Variants in CR1 observed in about 807,000 individuals in gnomAD.
CR1 encodes complement receptor type 1.
Under a neutral mutation model 187.3 loss-of-function variants are expected in CR1, and 116 were observed. The observed-to-expected ratio is 0.62, with a 90% CI of 0.53 to 0.72. The LOEUF (loss-of-function observed/expected upper bound fraction) is 0.72, where lower values mean the gene tolerates loss of function less well. CR1 is among the 30% of genes least tolerant of loss of function. The pLI, the probability that CR1 is intolerant of heterozygous loss-of-function variation, is 0.00. For synonymous variants in CR1, 576 were observed against 747.1 expected, an observed-to-expected ratio of 0.77 and a Z score of 3.73; for missense variants, 1,731 against 2,110.7, an observed-to-expected ratio of 0.82 and a Z score of 3.52.
intron 35 of CR1, among the ~76,000 whole-genome samples, chr1:207,595,923 A>G (rs1661423578): frequency 6.6e-6 from 1 of 151,220 alleles, no homozygotes; most frequent in Non-Finnish European, 1.5e-5. Flanking sequence ...TTATCACTTC[A>G]GCTAGGAAGT....
chr1:207,503,879 C>A (rs1659349111), intron 1 of CR1, among the ~76,000 whole-genome samples: 1 of 152,144 alleles, frequency 6.6e-6, no homozygotes, highest in African/African-American at 2.4e-5. Flanking sequence ...CAAGTGCTTC[C>A]TTTAAGTGAA....
At chr1:207,621,842 C>A in intron 43 of CR1, 131 bp from the exon 44 acceptor site, 1 of 576,594 alleles carries the variant, frequency 1.7e-6, no homozygotes, top group Non-Finnish European at 2.9e-6. Context: ...AAACCAATGG[C>A]TTTTTGCATT....
At chr1:207,514,032 T>C (rs1659709299) in intron 4 of CR1, among the ~76,000 whole-genome samples, 1 of 152,166 alleles carries the variant, frequency 6.6e-6, no homozygotes. Flanking sequence ...AAAATTTATG[T>C]CTTTGAATCA....
intron 36 of CR1, 31 bp downstream of exon 36, chr1:207,607,367 C>T (rs764346685): frequency 6.5e-7 from 1 of 1,528,778 alleles, no homozygotes; most frequent in South Asian, 1.1e-5. Flanking sequence ...CCACAAATTC[C>T]TCTGTGTGAT....
Position 207,640,628 on chromosome 1 carries a change from T to C in CR1, c.*1219T>C, listed in dbSNP as rs1662956119. ...AAAATGTATCAAAATAATAAACGTG[T>C]TCTGATATTTTTAAAATAAGTGACC... On this transcript the variant is annotated 3_prime_UTR_variant, in exon 47 of 47. Transcript: ENST00000367049. 1 of 152,198 alleles carries C rather than the reference T, an allele frequency of 6.6e-6. No individual in the cohort carries two copies. The highest frequency in any genetic ancestry group is 1.5e-5 in the Non-Finnish European group (1 of 68,034). The allele number at this position is 152,198 out of a possible 1,614,324, so 9.4% of individuals were successfully genotyped here.
At chr1:207,524,594 C>G (rs1654353604) in intron 5 of CR1, among the ~76,000 whole-genome samples, 1 of 151,940 alleles carries the variant, frequency 6.6e-6, no homozygotes. Context: ...CACCATGTTG[C>G]CCAGGCTGGT....
chr1:207,617,577 G>GTATATA (rs747792167), intron 41 of CR1, among the ~76,000 whole-genome samples: 20 of 47,160 alleles, frequency 4.2e-4, no homozygotes, highest in South Asian at 9.9e-4. Flanking sequence ...ATGTGTGTGT[G>GTATATA]TATATATATA....
At chr1:207,572,889 T>G (rs1660621168) in intron 27 of CR1, among the ~76,000 whole-genome samples, 1 of 150,456 alleles carries the variant, frequency 6.6e-6, no homozygotes, top group Non-Finnish European at 1.5e-5. Context: ...ATCTTCCCTC[T>G]GGGTCTGTGT....
In CR1 at chr1:207,611,945, C is replaced by A. The variant is rs1436756688; in HGVS notation, c.6479C>A (p.Ser2160Tyr). 1.2e-6 allele frequency: 2 copies of A among 1,613,978 alleles called. No homozygotes were observed. Among genetic ancestry groups the A allele is most frequent in the Non-Finnish European group, 1.7e-6 (2 of 1,179,880 alleles). ...SPEAPRCTVK[S>Y]CDDFLGQLPH... ...GTTTTATTTTTTCTTCTAGTGAAAT[C>A]CTGTGATGACTTCCTGGGCCAACTC... The change falls in exon 39 of 47, where the codon TCC (serine) becomes TAC (tyrosine). Residue 2160 changes from serine to tyrosine, a missense_variant. Physicochemically the swap from Ser to Tyr is moderately radical, Grantham distance 144 (BLOSUM62 -2). Around this residue, in one of 5 missense-constraint regions of CR1, gnomAD observed 1,312 missense variants for 1,379.6 expected, o/e 0.95. Coordinates refer to ENST00000367049, the MANE Select transcript of CR1 (RefSeq NM_000651.6).
intron 3 of CR1, among the ~76,000 whole-genome samples, chr1:207,509,027 T>A (rs1659536260): frequency 6.6e-6 from 1 of 152,232 alleles, no homozygotes; most frequent in Non-Finnish European, 1.5e-5. Flanking sequence ...TATCCTTAAA[T>A]ATATTTTCTG....
intron 29 of CR1, 72 bp from the exon 30 acceptor site, chr1:207,580,168 C>CT: frequency 6.4e-7 from 1 of 1,574,792 alleles, no homozygotes; most frequent in East Asian, 2.2e-5. Flanking sequence ...CTCTGACTAG[C>CT]TATGAGGTCT....
Position 207,580,565 on chromosome 1 carries a change from C to G in CR1, c.5168C>G (p.Pro1723Arg), listed in dbSNP as rs752333319. The part of the protein sequence containing the change: ...GQLPHGRVLF[P>R]LNLQLGAKVS... The stretch of plus-strand genomic sequence containing the variant: ...CTCCCTCATGGCCGTGTGCTATTTC[C>G]ACTTAATCTCCAGCTTGGGGCAAAG... Residue 1723 changes from proline to arginine, a missense_variant, in exon 31 of 47, where the codon CCA becomes CGA. Transcript: ENST00000367049. The G allele has an allele frequency of 6.2e-7, 1 of 1,613,328 alleles. No individual in the cohort carries two copies. The highest frequency in any genetic ancestry group is 1.7e-5 in the Admixed American group (1 of 59,940).
At chr1:207,636,636 CT>C (rs1662823658) in intron 46 of CR1, among the ~76,000 whole-genome samples, 1 of 152,160 alleles carries the variant, frequency 6.6e-6, no homozygotes, top group South Asian at 2.1e-4. Context: ...AGTTTACTGA[CT>C]GAACAGAAGA....
In CR1 at chr1:207,578,070, C is replaced by G; in HGVS notation, c.4803C>G (p.Asp1601Glu). 6.2e-7 allele frequency: 1 copy of G among 1,611,676 alleles called. No homozygotes were observed. The highest frequency in any genetic ancestry group is 8.5e-7 in the Non-Finnish European group (1 of 1,179,628). The change falls in exon 29 of 47, where the codon GAC (aspartate) becomes GAG (glutamate). Residue 1601 changes from aspartate to glutamate, a missense_variant. Transcript: ENST00000367049. ...TGGAAAATGGAATATTGGTATCTGA[C>G]AACAGAAGCTTATTTTCCTTAAATG... ...PNVENGILVS[D>E]NRSLFSLNEV... is the part of the protein sequence containing the mutation.
At chr1:207,608,756 A>T (rs1360605914) in intron 36 of CR1, among the ~76,000 whole-genome samples, 1 of 152,170 alleles carries the variant, frequency 6.6e-6, no homozygotes, top group Non-Finnish European at 1.5e-5. Context: ...AATACTGGTT[A>T]TGTGTGTATA....
intron 35 of CR1, among the ~76,000 whole-genome samples, chr1:207,595,695 C>T (rs1334296937): frequency 2.6e-5 from 4 of 151,060 alleles, no homozygotes; most frequent in African/African-American, 9.7e-5. Context: ...AAAAGAAAAA[C>T]TCCCACAAAG....
At position 207,578,275 on chromosome 1, in the gene CR1, T is replaced by C. The variant is rs946948760; in HGVS notation, c.4936+72T>C. On this transcript the variant is annotated intron_variant, in intron 29 of 46. Coordinates refer to ENST00000367049, the MANE Select transcript of CR1 (RefSeq NM_000651.6). The stretch of plus-strand genomic sequence containing the variant: ...GCTGTTGGATCAGGAGATGAGTATT[T>C]GTTAAGGGGGAGGTATGTATGGTGA... 10 of 1,611,024 alleles carry C rather than the reference T, an allele frequency of 6.2e-6. No individual in the cohort carries two copies. In the African/African-American group the frequency reaches 1.3e-4, roughly 22 times the overall value.
intron 46 of CR1, among the ~76,000 whole-genome samples, chr1:207,638,260 G>A (rs966105776): frequency 1.3e-5 from 2 of 152,108 alleles, no homozygotes; most frequent in East Asian, 3.8e-4. Context: ...CAGTATCCTG[G>A]TCCATTGTCA....
chr1:207,580,259 A>G lies in CR1; in HGVS notation c.4956A>G (p.Glu1652=), dbSNP rs748939298. 5.0e-6 allele frequency: 8 copies of G among 1,613,782 alleles called. No individual in the cohort carries two copies. In the Admixed American group the frequency reaches 1.2e-4, roughly 24 times the overall value. Residue 1652 remains glutamate (E), a synonymous_variant, in exon 30 of 47, where the codon GAA becomes GAG. Coordinates refer to ENST00000367049, the MANE Select transcript of CR1 (RefSeq NM_000651.6). ...CCACAGTGTGTCAGCCGCCTCCAGA[A>G]ATCCTGCATGGTGAGCATACCCCAA... The part of the protein sequence containing the change: ...SCSRVCQPPP[E]ILHGEHTPSH...
Sources: gnomAD v4.1 joint callset for allele counts (sites outside exome capture counted in the v4.1 genomes callset) on GRCh38, gnomAD v4.1.1 for gene constraint, gnomAD v4.1.1 regional missense constraint, MANE v1.5 for transcripts, NCBI Gene and HGNC (gene_info 2026-07-23, HGNC 2026-07-21) for gene names.